TTC23: variants seen among roughly 807,000 people sequenced by gnomAD.
TTC23 encodes the protein tetratricopeptide repeat domain 23.
In TTC23, 58 loss-of-function variants were observed where a neutral mutation model predicts 55.1. That is an observed-to-expected ratio of 1.05 (90% CI 0.85 to 1.31). The LOEUF is 1.31. Ranked by LOEUF, TTC23 falls within the 50% of genes most tolerant of loss-of-function variation. TTC23 has a pLI of 0.00. For synonymous variants in TTC23, 203 were observed against 199.9 expected (o/e 1.02, Z -0.13); for missense variants, 516 against 534.4 (o/e 0.97, Z 0.34).
At chr15:99,226,627 G>A (rs2078444709) in intron 5 of TTC23, among the ~76,000 whole-genome samples, 1 of 152,314 alleles carries the variant, frequency 6.6e-6, no homozygotes, top group South Asian at 2.1e-4. Flanking sequence ...TATATTTAAT[G>A]TCAGCTTGCA....
intron 12 of TTC23, among the ~76,000 whole-genome samples, chr15:99,152,161 A>T (rs2069858371): frequency 6.6e-6 from 1 of 152,052 alleles, no homozygotes; most frequent in Non-Finnish European, 1.5e-5. Context: ...TGGCTGTTTA[A>T]AAGTATGTGG....
intron 4 of TTC23, among the ~76,000 whole-genome samples, chr15:99,234,516 G>C (rs893627747): frequency 2.0e-4 from 30 of 152,184 alleles, no homozygotes; most frequent in African/African-American, 7.0e-4. Flanking sequence ...GACTACAGGT[G>C]CCCGCCACCA....
At chr15:99,148,360 CAAA>C (rs57733522) in intron 12 of TTC23, among the ~76,000 whole-genome samples, 453 of 30,396 alleles carry the variant, frequency 0.015, 4 homozygotes, top group Non-Finnish European at 0.023. Context: ...GACTCTGTAC[CAAA>C]AAAAAAAAAA....
chr15:99,234,309 C>G (rs1022792760), intron 4 of TTC23, among the ~76,000 whole-genome samples: 1 of 152,196 alleles, frequency 6.6e-6, no homozygotes, highest in African/African-American at 2.4e-5. Context: ...AAAGAACTCT[C>G]AACACTCAAG....
At chr15:99,149,193 A>C (rs542716173) in intron 12 of TTC23, among the ~76,000 whole-genome samples, 1 of 152,328 alleles carries the variant, frequency 6.6e-6, no homozygotes, top group Non-Finnish European at 1.5e-5. Context: ...TCAAGTCCCC[A>C]TTTGTGCCCT....
chr15:99,248,447 C>G (rs1002316881), intron 1 of TTC23: 1 of 152,200 alleles, frequency 6.6e-6, no homozygotes, highest in South Asian at 2.1e-4. Flanking sequence ...CTTCCTCAGG[C>G]TGCATGTATT....
At chr15:99,228,786 T>G in intron 4 of TTC23, 54 bp from the exon 5 acceptor site, 1 of 1,371,372 alleles carries the variant, frequency 7.3e-7, no homozygotes, top group Non-Finnish European at 9.8e-7. Flanking sequence ...ATAGTTACTT[T>G]TAGAAATATA....
intron 3 of TTC23, among the ~76,000 whole-genome samples, chr15:99,237,763 G>T (rs1392840401): frequency 6.6e-6 from 1 of 152,052 alleles, no homozygotes; most frequent in Non-Finnish European, 1.5e-5. Flanking sequence ...ATCTTGACTG[G>T]TTGCAGTTTC....
At chr15:99,167,884 G>A (rs1012310618) in intron 10 of TTC23, among the ~76,000 whole-genome samples, 1 of 152,188 alleles carries the variant, frequency 6.6e-6, no homozygotes, top group Non-Finnish European at 1.5e-5. Context: ...AACCGCAAAG[G>A]ACCCCAGGGA....
chr15:99,190,257 G>GA (rs2075121292), intron 9 of TTC23, among the ~76,000 whole-genome samples: 1 of 140,346 alleles, frequency 7.1e-6, no homozygotes, highest in Non-Finnish European at 1.5e-5. Context: ...AAATATCCTT[G>GA]TTTTTTTTTT....
intron 12 of TTC23, 192 bp downstream of exon 12, chr15:99,155,956 G>A (rs1431688426): frequency 8.0e-6 from 5 of 627,156 alleles, no homozygotes; most frequent in Non-Finnish European, 1.3e-5. Flanking sequence ...TAAAAAATAT[G>A]TATGTCTAAG....
At chr15:99,165,417 T>C (rs534733149) in intron 10 of TTC23, among the ~76,000 whole-genome samples, 6 of 152,352 alleles carry the variant, frequency 3.9e-5, no homozygotes, top group East Asian at 3.9e-4. Context: ...GTAAACACTT[T>C]GGAAATATGT....
chr15:99,198,899 GA>G (rs1315507379), intron 9 of TTC23, among the ~76,000 whole-genome samples: 1 of 152,080 alleles, frequency 6.6e-6, no homozygotes, highest in Non-Finnish European at 1.5e-5. Context: ...ACTTTTACAG[GA>G]AAAAATTATC....
At chr15:99,139,624 G>A in intron 12 of TTC23, 1 of 1,517,676 alleles carries the variant, frequency 6.6e-7, no homozygotes, top group Non-Finnish European at 8.9e-7. Context: ...AACTCTCTGT[G>A]ACTATCTGTA....
intron 8 of TTC23, among the ~76,000 whole-genome samples, chr15:99,212,597 G>A (rs938217754): frequency 3.3e-5 from 5 of 152,114 alleles, no homozygotes; most frequent in African/African-American, 4.8e-5. Flanking sequence ...GAGTCACCCC[G>A]CGGCACTTAT....
At chr15:99,233,824 CTGT>C (rs1018972804) in intron 4 of TTC23, among the ~76,000 whole-genome samples, 3 of 152,172 alleles carry the variant, frequency 2.0e-5, no homozygotes, top group Non-Finnish European at 2.9e-5. Context: ...GTTTGTACTG[CTGT>C]TAAGTAGACA....
chr15:99,161,503 T>C (rs1441173894), intron 11 of TTC23, among the ~76,000 whole-genome samples: 1 of 152,216 alleles, frequency 6.6e-6, no homozygotes, highest in African/African-American at 2.4e-5. Flanking sequence ...ACTATTTCTT[T>C]AGGATCTTTT....
In TTC23 at chr15:99,237,077, G is replaced by A. The variant is rs373612913; in HGVS notation, c.-113-1997C>T. On this transcript the variant is annotated intron_variant, in intron 3 of 13. Transcript: ENST00000394132. ...GCTCACTGCAACCTTCGCCTCCTGG[G>A]TTCAAGCGATTCTCCTGCCTCAGCC... Among the ~76,000 whole-genome samples, 3 of 151,916 alleles carry A rather than the reference G, an allele frequency of 2.0e-5. No individual in the cohort carries two copies. In the East Asian group the frequency reaches 5.8e-4, roughly 29 times the overall value.
chr15:99,237,084 C>T lies in TTC23; in HGVS notation c.-113-2004G>A, dbSNP rs1237793601. Among the ~76,000 whole-genome samples, 5 of 151,534 alleles carry T rather than the reference C, an allele frequency of 3.3e-5. No homozygotes were observed. The East Asian group carries it at 7.7e-4, about 23-fold the overall frequency. On this transcript the variant is annotated intron_variant, in intron 3 of 13. Coordinates refer to ENST00000394132, the MANE Select transcript of TTC23 (RefSeq NM_001288615.3). The stretch of plus-strand genomic sequence containing the variant: ...GCAACCTTCGCCTCCTGGGTTCAAG[C>T]GATTCTCCTGCCTCAGCCTCCTGAG...
Sources: gnomAD v4.1 joint callset for allele counts (sites outside exome capture counted in the v4.1 genomes callset) on GRCh38, gnomAD v4.1.1 for gene constraint, MANE v1.5 for transcripts, NCBI Gene and HGNC (gene_info 2026-07-23, HGNC 2026-07-21) for gene names.